The following PHLDB2 variants were observed in gnomAD, a reference collection of about 807,000 sequenced individuals.
PHLDB2 encodes the protein pleckstrin homology-like domain family B member 2.
Under a neutral mutation model 123.6 loss-of-function variants are expected in PHLDB2, and 71 were observed. The observed-to-expected ratio is 0.57, with a 90% confidence interval of 0.47 to 0.70. The LOEUF (loss-of-function observed/expected upper bound fraction) is 0.70. Ranked by LOEUF, PHLDB2 falls within the 30% of genes least tolerant of loss-of-function variation. PHLDB2 has a pLI of 0.00. For synonymous variants in PHLDB2, 547 were observed against 541.6 expected, an observed-to-expected ratio of 1.01 and a Z score of -0.14; for missense variants, 1,446 against 1,519.5, an observed-to-expected ratio of 0.95 and a Z score of 0.80.
chr3:111,766,355 A>C (rs1291450616), intron 1 of PHLDB2, among the ~76,000 whole-genome samples: 1 of 151,358 alleles, frequency 6.6e-6, no homozygotes, highest in African/African-American at 2.4e-5. Flanking sequence ...AGGCAGAAAA[A>C]TCGTTTGAAC....
In PHLDB2 at chr3:111,949,228, A is replaced by G. The variant is rs565927514; in HGVS notation, c.2631+153A>G. 3.9e-5 allele frequency among the ~76,000 whole-genome samples: 6 copies of G among 152,332 alleles called. No individual in the cohort carries two copies. The South Asian group carries it at 1.2e-3, about 32-fold the overall frequency. ...GGGTAAGGCTGAGTTTATAAAGTATACCAATTTGGGGGTAATGCTCTGCCA... is the reference window on the plus strand; with the variant it reads ...GGGTAAGGCTGAGTTTATAAAGTATGCCAATTTGGGGGTAATGCTCTGCCA... On this transcript the variant is annotated intron_variant, in intron 10 of 17. Coordinates refer to ENST00000431670, the MANE Select transcript of PHLDB2 (RefSeq NM_001134438.2).
chr3:111,839,939 G>C (rs1574061), intron 1 of PHLDB2, among the ~76,000 whole-genome samples: 59 of 51,710 alleles, frequency 1.1e-3, no homozygotes, highest in Admixed American at 2.7e-3. Context: ...CCCCACCCCC[G>C]CTTTTTTTTT....
intron 1 of PHLDB2, among the ~76,000 whole-genome samples, chr3:111,749,294 A>C (rs2059731068): frequency 6.6e-6 from 1 of 152,296 alleles, no homozygotes; most frequent in South Asian, 2.1e-4. Context: ...CAAGAGTTAA[A>C]TAGATGTCTC....
At chr3:111,840,883 C>T (rs1428320818) in intron 1 of PHLDB2, among the ~76,000 whole-genome samples, 2 of 152,142 alleles carry the variant, frequency 1.3e-5, no homozygotes, top group Non-Finnish European at 2.9e-5. Flanking sequence ...CTTCTACTGC[C>T]TCTCACATTA....
chr3:111,893,977 G>A (rs1371703215), intron 2 of PHLDB2, among the ~76,000 whole-genome samples: 7 of 143,458 alleles, frequency 4.9e-5, no homozygotes, highest in East Asian at 4.2e-4. Context: ...AGTTACATAC[G>A]TATACATGTG....
At chr3:111,779,687 T>C (rs2060334166) in intron 1 of PHLDB2, among the ~76,000 whole-genome samples, 1 of 152,124 alleles carries the variant, frequency 6.6e-6, no homozygotes. Context: ...GGGCCCTTGA[T>C]GGGCACCTGG....
At chr3:111,966,010 A>G (rs570691561) in intron 13 of PHLDB2, among the ~76,000 whole-genome samples, 1 of 152,284 alleles carries the variant, frequency 6.6e-6, no homozygotes, top group African/African-American at 2.4e-5. Context: ...ACTCTTCACA[A>G]AACTGGCCAC....
chr3:111,877,259 T>C (rs2065680176), intron 1 of PHLDB2, among the ~76,000 whole-genome samples: 1 of 152,226 alleles, frequency 6.6e-6, no homozygotes, highest in East Asian at 1.9e-4. Flanking sequence ...AATGATTGCC[T>C]TTCTAACTGG....
At position 111,876,783 on chromosome 3, in the gene PHLDB2, G is replaced by A. The variant is rs557461340; in HGVS notation, c.-14-7281G>A. Among the ~76,000 whole-genome samples the A allele has an allele frequency of 1.8e-4, 28 of 152,088 alleles. 1 individual carries two copies. Among genetic ancestry groups the A allele is most frequent in the Admixed American group, 1.6e-3 (24 of 15,266 alleles). ...CCCCTCCCTGTGTCCATGTGTTCTC[G>A]TTGATCAACTCCCACTTATGAGTGA... On this transcript the variant is annotated intron_variant, in intron 1 of 17. Coordinates refer to ENST00000431670, the MANE Select transcript of PHLDB2 (RefSeq NM_001134438.2).
chr3:111,811,271 T>C (rs911617491), intron 1 of PHLDB2, among the ~76,000 whole-genome samples: 2 of 152,198 alleles, frequency 1.3e-5, no homozygotes, highest in African/African-American at 4.8e-5. Context: ...GACTTGGTGT[T>C]TGCATGAAAC....
At chr3:111,877,968 A>G (rs1178027084) in intron 1 of PHLDB2, among the ~76,000 whole-genome samples, 1 of 152,100 alleles carries the variant, frequency 6.6e-6, no homozygotes, top group Non-Finnish European at 1.5e-5. Context: ...TGTAGTATAC[A>G]TTGAAGTCAG....
intron 1 of PHLDB2, among the ~76,000 whole-genome samples, chr3:111,759,595 T>C (rs1410839827): frequency 6.6e-6 from 1 of 152,208 alleles, no homozygotes; most frequent in African/African-American, 2.4e-5. Context: ...ATGTTTAGCA[T>C]GTAAAGTTAC....
At chr3:111,909,346 C>T (rs1236924708) in intron 2 of PHLDB2, among the ~76,000 whole-genome samples, 1 of 152,126 alleles carries the variant, frequency 6.6e-6, no homozygotes, top group Non-Finnish European at 1.5e-5. Context: ...TGCAGTGTCT[C>T]ATGTGAGAGG....
chr3:111,886,477 G>A (rs775781364), intron 2 of PHLDB2, among the ~76,000 whole-genome samples: 8 of 150,540 alleles, frequency 5.3e-5, no homozygotes, highest in South Asian at 4.2e-4. Flanking sequence ...ATCAGCTATC[G>A]TTAGTGTATT....
chr3:111,866,839 G>C (rs2065107617), intron 1 of PHLDB2, among the ~76,000 whole-genome samples: 1 of 151,966 alleles, frequency 6.6e-6, no homozygotes, highest in Non-Finnish European at 1.5e-5. Context: ...TAGCTTTACG[G>C]GGGACTTGAT....
chr3:111,752,248 CTGTG>C (rs767384410), intron 1 of PHLDB2, among the ~76,000 whole-genome samples: 10 of 119,288 alleles, frequency 8.4e-5, no homozygotes, highest in Admixed American at 1.8e-4. Context: ...GTGTCTGTGT[CTGTG>C]TGTGTGTGTG....
rs542183993 is a variant in PHLDB2, at chr3:111,848,066, G to T, written c.67+2131G>T. Among the ~76,000 whole-genome samples, 60 of 152,234 alleles carry T rather than the reference G, an allele frequency of 3.9e-4. 1 individual carries two copies. The highest frequency in any genetic ancestry group is 1.3e-3 in the African/African-American group (56 of 41,532). On this transcript the variant is annotated intron_variant, in intron 2 of 17. Transcript: ENST00000393923. ...TGCTGTGCCCAAAGGATACCTCTGT[G>T]TAGGTAGGCAGTATGCGACCCTCAC...
intron 1 of PHLDB2, among the ~76,000 whole-genome samples, chr3:111,834,261 T>C (rs1226729376): frequency 2.3e-4 from 27 of 115,754 alleles, no homozygotes; most frequent in Non-Finnish European, 4.4e-4. Context: ...TATATAATTC[T>C]ATTATATACA....
At chr3:111,784,108 C>T (rs186517970) in intron 1 of PHLDB2, among the ~76,000 whole-genome samples, 12 of 152,088 alleles carry the variant, frequency 7.9e-5, no homozygotes, top group Admixed American at 7.9e-4. Flanking sequence ...AGGGAAAATA[C>T]GTTGGTTAAT....
Sources: gnomAD v4.1 joint callset for allele counts (sites outside exome capture counted in the v4.1 genomes callset) on GRCh38, gnomAD v4.1.1 for gene constraint, MANE v1.5 for transcripts, NCBI Gene and HGNC (gene_info 2026-07-23, HGNC 2026-07-21) for gene names.